The following MLLT3 variants were observed in gnomAD, a reference collection of about 807,000 sequenced individuals.
The protein encoded by MLLT3 is MLLT3 super elongation complex subunit.
Under a neutral mutation model 53.2 loss-of-function variants are expected in MLLT3, and 4 were observed. The ratio of observed to expected loss-of-function variants is 0.08; its 90% CI spans 0.04 to 0.17. The LOEUF is 0.17. Ranked by LOEUF, MLLT3 falls within the 10% of genes least tolerant of loss-of-function variation. MLLT3 has a pLI of 1.00. For missense variants in MLLT3, 569 were observed against 684.0 expected, an observed-to-expected ratio of 0.83 and a Z score of 1.87; for synonymous variants, 283 against 230.6, an observed-to-expected ratio of 1.23 and a Z score of -2.06.
chr9:20,447,719 C>A (rs1443408949), intron 4 of MLLT3, among the ~76,000 whole-genome samples: 2 of 152,096 alleles, frequency 1.3e-5, no homozygotes, highest in Non-Finnish European at 2.9e-5. Context: ...TAATTGTGAT[C>A]AAGAAAATTT....
chr9:20,414,581 G>A (rs1241814992), intron 4 of MLLT3, among the ~76,000 whole-genome samples, 156 bp from the exon 5 acceptor site: 1 of 152,072 alleles, frequency 6.6e-6, no homozygotes, highest in African/African-American at 2.4e-5. Context: ...CAATATAACA[G>A]GTGAGAATAG....
intron 3 of MLLT3, among the ~76,000 whole-genome samples, chr9:20,452,283 G>T (rs143222666): frequency 7.2e-5 from 11 of 152,240 alleles, no homozygotes; most frequent in African/African-American, 2.6e-4. Flanking sequence ...TTAGATTATG[G>T]GGGTGTTCCC....
At chr9:20,408,697 C>G (rs1822648876) in intron 5 of MLLT3, among the ~76,000 whole-genome samples, 1 of 152,068 alleles carries the variant, frequency 6.6e-6, no homozygotes, top group Non-Finnish European at 1.5e-5. Context: ...ATTAAAAAGC[C>G]ACTTTGAAAA....
At chr9:20,549,380 A>G (rs574176200) in intron 2 of MLLT3, among the ~76,000 whole-genome samples, 2 of 152,332 alleles carry the variant, frequency 1.3e-5, no homozygotes, top group African/African-American at 4.8e-5. Flanking sequence ...AGCATGGTTT[A>G]TAACAACAAC....
At chr9:20,369,762 A>C (rs1054709428) in intron 5 of MLLT3, among the ~76,000 whole-genome samples, 1 of 152,128 alleles carries the variant, frequency 6.6e-6, no homozygotes, top group African/African-American at 2.4e-5. Context: ...TACACACACA[A>C]AAAAATCATC....
At chr9:20,524,542 G>C (rs1472118676) in intron 2 of MLLT3, among the ~76,000 whole-genome samples, 1 of 151,940 alleles carries the variant, frequency 6.6e-6, no homozygotes, top group Non-Finnish European at 1.5e-5. Flanking sequence ...AAAAATGACA[G>C]GCTCTCGGGC....
intron 2 of MLLT3, among the ~76,000 whole-genome samples, chr9:20,558,595 C>G (rs1254228942): frequency 6.6e-6 from 1 of 152,176 alleles, no homozygotes; most frequent in Admixed American, 6.5e-5. Context: ...AAGCATTAAA[C>G]TCAGCTGAGA....
rs191384195 is a variant in MLLT3 at position 20,464,631 on chromosome 9, T to G, written c.194-7845A>C. Among the ~76,000 whole-genome samples, 215 of 152,182 alleles carry G rather than the reference T, an allele frequency of 1.4e-3. 2 individuals carry two copies. The highest frequency in any genetic ancestry group is 2.8e-3 in the Admixed American group (43 of 15,284). On this transcript the variant is annotated intron_variant, in intron 2 of 10. Coordinates refer to ENST00000380338, the MANE Select transcript of MLLT3 (RefSeq NM_004529.4). ...GAATCATAGTCCCTCTTTAAGGAAGTGGCATTTAAGTTGAGACCTGAAAGA... is the reference window on the plus strand; with the variant it reads ...GAATCATAGTCCCTCTTTAAGGAAGGGGCATTTAAGTTGAGACCTGAAAGA...
At chr9:20,534,476 G>C (rs1042873931) in intron 2 of MLLT3, among the ~76,000 whole-genome samples, 5 of 152,152 alleles carry the variant, frequency 3.3e-5, no homozygotes, top group Non-Finnish European at 5.9e-5. Context: ...GAAAAGTTCT[G>C]AACTTTAGTA....
At chr9:20,483,253 G>A (rs33963179) in intron 2 of MLLT3, among the ~76,000 whole-genome samples, 113,302 of 150,840 alleles carry the variant, frequency 0.75, 42,799 homozygotes, top group Middle Eastern at 0.86. Flanking sequence ...TTTTTTTTTT[G>A]AGACAGGTTC....
chr9:20,588,240 T>G (rs1820031938), intron 2 of MLLT3, among the ~76,000 whole-genome samples: 2 of 151,090 alleles, frequency 1.3e-5, no homozygotes, highest in Non-Finnish European at 3.0e-5. Flanking sequence ...TTTTGGTGAC[T>G]GTAGCCTTGT....
At position 20,620,293 on chromosome 9, in the gene MLLT3, A is replaced by ACACGCG. The variant is rs1176274864; in HGVS notation, c.193+360_193+361insCGCGTG. 1.8e-4 allele frequency among the ~76,000 whole-genome samples: 27 copies of ACACGCG among 146,076 alleles called. No homozygotes were observed. The highest frequency in any genetic ancestry group is 5.4e-4 in the Admixed American group (8 of 14,682). On this transcript the variant is annotated intron_variant, in intron 2 of 10. Transcript: ENST00000380338. The surrounding 1 kb of genome is among the most constrained non-coding windows in gnomAD (Gnocchi z 6.1). ...CACACACACACACACACACACACAC[A>ACACGCG]CGCGCAAAGTGTTTATTCCCTCCAG...
intron 2 of MLLT3, among the ~76,000 whole-genome samples, chr9:20,557,244 G>A (rs1819084418): frequency 6.6e-6 from 1 of 152,168 alleles, no homozygotes; most frequent in East Asian, 1.9e-4. Context: ...AATTTGGTAG[G>A]AGAGCAGAAT....
chr9:20,541,603 G>C (rs540032051), intron 2 of MLLT3, among the ~76,000 whole-genome samples: 5 of 152,112 alleles, frequency 3.3e-5, no homozygotes, highest in Non-Finnish European at 5.9e-5. Flanking sequence ...GGCCCGCATA[G>C]GGGAAATCCG....
intron 2 of MLLT3, among the ~76,000 whole-genome samples, chr9:20,526,992 T>C (rs1244884822): frequency 1.3e-5 from 2 of 152,218 alleles, no homozygotes; most frequent in Non-Finnish European, 2.9e-5. Flanking sequence ...CTGCCTTTTC[T>C]GAATTGATTT....
chr9:20,383,566 T>C (rs905137290), intron 5 of MLLT3, among the ~76,000 whole-genome samples: 1 of 151,914 alleles, frequency 6.6e-6, no homozygotes, highest in African/African-American at 2.4e-5. Flanking sequence ...AATGTTAGAA[T>C]GTTGACAACG....
At chr9:20,574,586 T>C (rs1420007650) in intron 2 of MLLT3, among the ~76,000 whole-genome samples, 1 of 152,242 alleles carries the variant, frequency 6.6e-6, no homozygotes, top group Admixed American at 6.5e-5. Flanking sequence ...AAAAATGCTT[T>C]ATTGCTTAAA....
chr9:20,365,821 G>C, intron 5 of MLLT3, 77 bp from the exon 6 acceptor site: 3 of 1,445,606 alleles, frequency 2.1e-6, no homozygotes, highest in Non-Finnish European at 2.9e-6. Context: ...CAGTATTGTT[G>C]CTCAAACCAT....
chr9:20,359,405 G>C (rs577529702), intron 8 of MLLT3, among the ~76,000 whole-genome samples: 1 of 152,268 alleles, frequency 6.6e-6, no homozygotes, highest in African/African-American at 2.4e-5. Context: ...CCTGAAGATG[G>C]GGAAGAGCCA....
Sources: allele counts gnomAD v4.1 joint callset (sites outside exome capture counted in the v4.1 genomes callset), GRCh38; gene constraint gnomAD v4.1.1; non-coding constraint Gnocchi (gnomAD v3.1); transcripts MANE v1.5; gene names NCBI Gene and HGNC (gene_info 2026-07-23, HGNC 2026-07-21).